PGAM2: variants seen among roughly 807,000 people sequenced by gnomAD.
PGAM2 encodes the protein phosphoglycerate mutase 2, also known as BPG-dependent PGAM 2.
PGAM2 carries 23 observed loss-of-function variants against 22.5 expected under a neutral mutation model. The observed-to-expected ratio is 1.02, with a 90% CI of 0.74 to 1.45. PGAM2 has a LOEUF of 1.45. Among genes scored for constraint, PGAM2 ranks in the 40% most tolerant of loss-of-function variants. PGAM2 has a pLI of 0.00. For missense variants in PGAM2, 349 were observed against 356.2 expected (o/e 0.98, Z 0.16); for synonymous variants, 133 against 138.6 (o/e 0.96, Z 0.29).
Position 44,064,999 on chromosome 7 carries a change from G to C in PGAM2, c.428C>G (p.Ala143Gly). The change falls in exon 2 of 3, where the codon GCA (alanine) becomes GGA (glycine). Residue 143 changes from alanine to glycine, a missense_variant. Physicochemically the swap from Ala to Gly is moderately conservative, Grantham distance 60. Transcript: ENST00000297283. The part of the protein sequence containing the change: ...YNSISKERRY[A>G]GLKPGELPTC... ...GGGGAGTTCCCCGGGCTTCAGGCCT[G>C]CGTACCGACGCTCCTGGGGGACACA... is the stretch of plus-strand genomic sequence containing the variant. 2 of 1,606,224 alleles carry C rather than the reference G, an allele frequency of 1.2e-6. No homozygotes were observed. Among genetic ancestry groups the C allele is most frequent in the Non-Finnish European group, 1.7e-6 (2 of 1,179,578 alleles).
chr7:44,064,514 A>T (rs2096155263), intron 2 of PGAM2: 1 of 408,494 alleles, frequency 2.4e-6, no homozygotes, highest in Admixed American at 3.7e-5. Context: ...TGGGATTTGG[A>T]GCCAGATGCT....
At chr7:44,063,816 CAT>C (rs2096153872) in intron 2 of PGAM2, 1 of 152,394 alleles carries the variant, frequency 6.6e-6, no homozygotes, top group Admixed American at 6.5e-5. Flanking sequence ...TGAAATCCCT[CAT>C]ATTCACCACC....
Position 44,065,253 on chromosome 7 carries a change from C to T in PGAM2, c.277G>A (p.Gly93Arg), listed in dbSNP as rs770622502. ...RTWRLNERHY[G>R]GLTGLNKAET... The stretch of plus-strand genomic sequence containing the variant: ...GCCTTGTTGAGGCCTGTGAGGCCCC[C>T]GTAATGCCGCTCATTGAGGCGCCAA... The change falls in exon 1 of 3, where the codon GGG becomes AGG. Residue 93 changes from glycine (G) to arginine (R), a missense_variant. Coordinates refer to ENST00000297283, the MANE Select transcript of PGAM2 (RefSeq NM_000290.4). 1.4e-5 allele frequency: 23 copies of T among 1,613,728 alleles called. No individual in the cohort carries two copies. Among genetic ancestry groups the T allele is most frequent in the African/African-American group, 8.0e-5 (6 of 74,948 alleles).
At chr7:44,064,297 T>C (rs2096154899) in intron 2 of PGAM2, 3 of 183,564 alleles carry the variant, frequency 1.6e-5, no homozygotes, top group Admixed American at 1.6e-4. Context: ...CTCTTTTGAT[T>C]GGTCTTTCCT....
In PGAM2 at chr7:44,064,973, T is replaced by G. The variant is rs763114348; in HGVS notation, c.454A>C (p.Thr152Pro). 2 of 1,607,360 alleles carry G rather than the reference T, an allele frequency of 1.2e-6. No homozygotes were observed. Among genetic ancestry groups the G allele is most frequent in the Admixed American group, 3.3e-5 (2 of 59,870 alleles). Residue 152 changes from threonine (T) to proline (P), a missense_variant, in exon 2 of 3, where the codon ACC (threonine) becomes CCC (proline). Physicochemically the swap from Thr to Pro is conservative, Grantham distance 38. Coordinates refer to ENST00000297283, the MANE Select transcript of PGAM2 (RefSeq NM_000290.4). ...ATGGTGTCCTTGAGGCTCTCGCAGG[T>G]GGGGAGTTCCCCGGGCTTCAGGCCT... ...YAGLKPGELP[T>P]CESLKDTIAR...
Position 44,065,445 on chromosome 7 carries a change from C to T in PGAM2, c.85G>A (p.Glu29Lys). Residue 29 changes from glutamate to lysine, a missense_variant, in exon 1 of 3, where the codon GAG (glutamate) becomes AAG (lysine). Glu to Lys is a moderately conservative substitution (Grantham distance 56). Coordinates refer to ENST00000297283, the MANE Select transcript of PGAM2 (RefSeq NM_000290.4). Reference sequence around the variant, plus strand: ...TCCTCGGTCCCCTTTTCACTCAGCTCTGCATCGAACCAGCCACAGAAACGG... The same window carrying T: ...TCCTCGGTCCCCTTTTCACTCAGCTTTGCATCGAACCAGCCACAGAAACGG... ...ENRFCGWFDA[E>K]LSEKGTEEAK... 1.2e-6 allele frequency: 2 copies of T among 1,614,126 alleles called. No individual in the cohort carries two copies. The highest frequency in any genetic ancestry group is 2.2e-5 in the South Asian group (2 of 91,084).
Position 44,064,927 on chromosome 7 carries a change from CA to C in PGAM2, c.499del (p.Trp167GlyfsTer42). 1 of 1,610,848 alleles carries C rather than the reference CA, an allele frequency of 6.2e-7. No individual in the cohort carries two copies. The highest frequency in any genetic ancestry group is 8.5e-7 in the Non-Finnish European group (1 of 1,179,740). On this transcript the variant is annotated frameshift_variant, in exon 2 of 3. Transcript: ENST00000297283. LOFTEE classifies it high-confidence loss of function. ...KDTIARALPF[W>X]NEEIVPQIKA... ...GATCTGGGGAACAATCTCCTCGTTC[CA>C]GAAGGGCAGGGCCCGGGCAATGGTG...
intron 2 of PGAM2, chr7:44,063,160 C>T (rs897383918): frequency 2.2e-5 from 13 of 577,916 alleles, no homozygotes; most frequent in Non-Finnish European, 3.8e-5. Context: ...TTCAGCCCCA[C>T]CCAAGTGGCT....
Position 44,065,420 on chromosome 7 carries a change from TCCTCGGTC to T in PGAM2, c.102_109del (p.Thr35GlyfsTer16), listed in dbSNP as rs2096157992. On this transcript the variant is annotated frameshift_variant, in exon 1 of 3. Coordinates refer to ENST00000297283, the MANE Select transcript of PGAM2 (RefSeq NM_000290.4). LOFTEE classifies it high-confidence loss of function. ...GATGGCCTTGGCTCCCCGCTTGGCC[TCCTCGGTC>T]CCCTTTTCACTCAGCTCTGCATCGA... 6.2e-7 allele frequency: 1 copy of T among 1,614,156 alleles called. No individual in the cohort carries two copies. Among genetic ancestry groups the T allele is most frequent in the East Asian group, 2.2e-5 (1 of 44,890 alleles).
intron 1 of PGAM2, 35 bp from the exon 2 acceptor site, chr7:44,065,047 G>A: frequency 6.2e-7 from 1 of 1,608,714 alleles, no homozygotes; most frequent in Admixed American, 1.7e-5. Context: ...TCCCTCCCAA[G>A]CCAGTGGGCC....
intron 2 of PGAM2, chr7:44,063,378 G>C: frequency 4.4e-6 from 1 of 229,718 alleles, no homozygotes; most frequent in South Asian, 5.7e-5. Flanking sequence ...TCCATCTCCT[G>C]GGTTGAAGTG....
rs372452057 is a variant in PGAM2, at chr7:44,064,916, T to G, written c.511A>C (p.Ile171Leu). The change falls in exon 2 of 3, where the codon ATT (isoleucine) becomes CTT (leucine). Residue 171 changes from isoleucine to leucine, a missense_variant. Coordinates refer to ENST00000297283, the MANE Select transcript of PGAM2 (RefSeq NM_000290.4). ...ARALPFWNEEIVPQIKAGKRV... is the reference protein window; with the variant it reads ...ARALPFWNEELVPQIKAGKRV... ...TTGCCGGCCTTGATCTGGGGAACAA[T>G]CTCCTCGTTCCAGAAGGGCAGGGCC... The G allele has an allele frequency of 3.0e-5, 48 of 1,609,168 alleles. No homozygotes were observed. The highest frequency in any genetic ancestry group is 2.2e-4 in the Admixed American group (13 of 59,780).
At chr7:44,063,197 T>C in intron 2 of PGAM2, 1 of 505,168 alleles carries the variant, frequency 2.0e-6, no homozygotes, top group Non-Finnish European at 3.6e-6. Flanking sequence ...CTGTCCATAG[T>C]TCCCTCAGCC....
At chr7:44,064,325 C>G (rs2096154926) in intron 2 of PGAM2, 1 of 195,224 alleles carries the variant, frequency 5.1e-6, no homozygotes, top group African/African-American at 2.4e-5. Flanking sequence ...GAGAGGGGCT[C>G]CAGAGGGAGA....
Position 44,062,759 on chromosome 7 carries a change from AC to A in PGAM2, c.*4del. On this transcript the variant is annotated 3_prime_UTR_variant, in exon 3 of 3. Coordinates refer to ENST00000297283, the MANE Select transcript of PGAM2 (RefSeq NM_000290.4). Reference sequence around the variant, plus strand: ...GGAGGTGCCTTTATTGCCCAAGCCCACCCCTCACTTGGCCTTGCCCTGGGCA... The same window carrying A: ...GGAGGTGCCTTTATTGCCCAAGCCCACCCTCACTTGGCCTTGCCCTGGGCA... 6.2e-7 allele frequency: 1 copy of A among 1,613,660 alleles called. No individual in the cohort carries two copies. Among genetic ancestry groups the A allele is most frequent in the Non-Finnish European group, 8.5e-7 (1 of 1,179,910 alleles).
At position 44,065,004 on chromosome 7, in the gene PGAM2, C is replaced by A. The variant is rs756887283; in HGVS notation, c.423G>T (p.Arg141=). 1.2e-6 allele frequency: 2 copies of A among 1,606,414 alleles called. No homozygotes were observed. Among genetic ancestry groups the A allele is most frequent in the Non-Finnish European group, 8.5e-7 (1 of 1,179,582 alleles). ...PYYNSISKER[R]YAGLKPGELP... is the part of the protein sequence containing the mutation. ...GTTCCCCGGGCTTCAGGCCTGCGTACCGACGCTCCTGGGGGACACAGGCAC... is the reference window on the plus strand; with the variant it reads ...GTTCCCCGGGCTTCAGGCCTGCGTAACGACGCTCCTGGGGGACACAGGCAC... The change falls in exon 2 of 3, where the codon CGG becomes CGT. Residue 141 remains arginine, a synonymous_variant. Coordinates refer to ENST00000297283, the MANE Select transcript of PGAM2 (RefSeq NM_000290.4).
chr7:44,062,863 G>A lies in PGAM2; in HGVS notation c.663C>T (p.Asn221=). The A allele has an allele frequency of 6.2e-7, 1 of 1,614,190 alleles. No homozygotes were observed. The highest frequency in any genetic ancestry group is 1.3e-5 in the African/African-American group (1 of 75,046). Residue 221 remains asparagine, a synonymous_variant, in exon 3 of 3, where the codon AAC becomes AAT. Coordinates refer to ENST00000297283, the MANE Select transcript of PGAM2 (RefSeq NM_000290.4). Reference sequence around the variant, plus strand: ...TGGGCTTGGTGGGCTTCAGCTCCTTGTTCAGCTCATACACAATGGGGATCC... The same window carrying A: ...TGGGCTTGGTGGGCTTCAGCTCCTTATTCAGCTCATACACAATGGGGATCC... ...PTGIPIVYEL[N]KELKPTKPMQ...
At position 44,062,937 on chromosome 7, in the gene PGAM2, C is replaced by T. The variant is rs372222997; in HGVS notation, c.596-7G>A. On this transcript the variant is annotated splice_region_variant and splice_polypyrimidine_tract_variant and intron_variant, in intron 2 of 2. Coordinates refer to ENST00000297283, the MANE Select transcript of PGAM2 (RefSeq NM_000290.4). ...ATCGCCTGGTCTGACATCCCTATGC[C>T]GGAAGGAATAGGTGTCCTTAGCCCC... 7.9e-5 allele frequency: 127 copies of T among 1,614,126 alleles called. No individual in the cohort carries two copies. The highest frequency in any genetic ancestry group is 9.4e-5 in the Non-Finnish European group (111 of 1,179,994).
chr7:44,063,007 T>G, intron 2 of PGAM2, 77 bp from the exon 3 acceptor site: 1 of 1,486,022 alleles, frequency 6.7e-7, no homozygotes, highest in African/African-American at 1.4e-5. Flanking sequence ...GTGACCTTTA[T>G]GGTCCACAGA....
Sources: gnomAD v4.1 joint callset for allele counts on GRCh38, gnomAD v4.1.1 for gene constraint, MANE v1.5 for transcripts, NCBI Gene and HGNC (gene_info 2026-07-23, HGNC 2026-07-21) for gene names.